The following LRRC37B variants were observed in gnomAD, a reference collection of about 807,000 sequenced individuals.
LRRC37B encodes the protein leucine rich repeat containing 37B, also known as leucine-rich repeat-containing protein 37B.
Under a neutral mutation model 98.3 loss-of-function variants are expected in LRRC37B, and 28 were observed. The observed-to-expected ratio is 0.28, with a 90% CI of 0.21 to 0.39. The LOEUF is 0.39. Ranked by LOEUF, LRRC37B falls within the 10% of genes least tolerant of loss-of-function variation. The pLI, the probability that LRRC37B is intolerant of heterozygous loss-of-function variation, is 1.00. For missense variants in LRRC37B, 938 were observed against 1,182.7 expected, an observed-to-expected ratio of 0.79 and a Z score of 3.03; for synonymous variants, 364 against 442.7, an observed-to-expected ratio of 0.82 and a Z score of 2.23.
intron 9 of LRRC37B, chr17:32,048,828 C>T: frequency 7.5e-7 from 1 of 1,337,528 alleles, no homozygotes; most frequent in Admixed American, 1.7e-5. Flanking sequence ...CAAGAAAACC[C>T]TCTTCTGGAA....
chr17:32,035,800 C>G, intron 7 of LRRC37B, 161 bp downstream of exon 10: 1 of 715,860 alleles, frequency 1.4e-6, no homozygotes, highest in African/African-American at 1.9e-5. Context: ...GTTACATAAC[C>G]ACCACCACAT....
At position 32,022,245 on chromosome 17, in the gene LRRC37B, C is replaced by T; in HGVS notation, c.1180C>T (p.Gln394Ter). 1 of 1,613,958 alleles carries T rather than the reference C, an allele frequency of 6.2e-7. No individual in the cohort carries two copies. The highest frequency in any genetic ancestry group is 8.5e-7 in the Non-Finnish European group (1 of 1,179,872). Residue 394 changes from glutamine to a stop codon, truncating the protein, a stop_gained, in exon 1 of 12, where the codon CAG becomes TAG. Coordinates refer to ENST00000327564, the Ensembl canonical transcript of LRRC37B. LOFTEE classifies it high-confidence loss of function. ...TGAGACAGAATCTACCCAAGCCCAG[C>T]AGGAGGCCCCAATTCAGCCTCCCGA... is the stretch of plus-strand genomic sequence containing the variant.
At chr17:32,037,695 CA>C (rs768493740) in intron 7 of LRRC37B, among the ~76,000 whole-genome samples, 43 of 152,362 alleles carry the variant, frequency 2.8e-4, no homozygotes, top group South Asian at 1.0e-3. Flanking sequence ...TGTTCATGTG[CA>C]AATATCTTCT....
At chr17:32,029,113 T>C (rs1359588286) in intron 3 of LRRC37B, among the ~76,000 whole-genome samples, 1 of 152,088 alleles carries the variant, frequency 6.6e-6, no homozygotes, top group Non-Finnish European at 1.5e-5. Context: ...TCCATTCTCC[T>C]GCCTCAACCT....
chr17:32,046,824 A>G (rs1402162026), intron 8 of LRRC37B, among the ~76,000 whole-genome samples: 1 of 151,748 alleles, frequency 6.6e-6, no homozygotes. Flanking sequence ...GCACCACCCA[A>G]AATACTTTTA....
chr17:32,034,992 T>C lies in LRRC37B; in HGVS notation c.2129+11T>C, dbSNP rs765935152. On this transcript the variant is annotated intron_variant, in intron 6 of 11. Coordinates refer to ENST00000327564, the Ensembl canonical transcript of LRRC37B. Reference sequence around the variant, plus strand: ...GGCATTAAAATATCTGTAAGTACTATAGTACTCTCATGAGTCATGAGATGA... The same window carrying C: ...GGCATTAAAATATCTGTAAGTACTACAGTACTCTCATGAGTCATGAGATGA... 8 of 1,554,034 alleles carry C rather than the reference T, an allele frequency of 5.1e-6. No homozygotes were observed. The highest frequency in any genetic ancestry group is 1.4e-5 in the African/African-American group (1 of 73,434).
At chr17:32,013,816 T>C (rs1462896574) in intron 1 of LRRC37B, among the ~76,000 whole-genome samples, 1 of 152,146 alleles carries the variant, frequency 6.6e-6, no homozygotes, top group African/African-American at 2.4e-5. Context: ...ATACATTGTA[T>C]ATGTATGTAG....
chr17:32,013,362 C>G (rs1567611735), intron 1 of LRRC37B, among the ~76,000 whole-genome samples: 1 of 152,062 alleles, frequency 6.6e-6, no homozygotes, highest in Non-Finnish European at 1.5e-5. Context: ...TAAATGTAAT[C>G]TGACAGCATC....
At chr17:32,009,510 G>A (rs1457571134) in intron 1 of LRRC37B, among the ~76,000 whole-genome samples, 1 of 152,230 alleles carries the variant, frequency 6.6e-6, no homozygotes, top group Non-Finnish European at 1.5e-5. Flanking sequence ...CTGGGCTCAA[G>A]CGATCTGCTG....
chr17:32,018,707 T>C (rs535382086), upstream of LRRC37B, among the ~76,000 whole-genome samples: 1 of 152,206 alleles, frequency 6.6e-6, no homozygotes, highest in African/African-American at 2.4e-5. Context: ...CTGATTGTGC[T>C]ACAGCTTTCA....
At chr17:32,011,627 A>G (rs1176689470) in intron 1 of LRRC37B, among the ~76,000 whole-genome samples, 1 of 151,920 alleles carries the variant, frequency 6.6e-6, no homozygotes, top group Non-Finnish European at 1.5e-5. Context: ...CCTCCCGAGT[A>G]GCTGGGATTA....
At chr17:32,029,269 A>G (rs1463982809) in intron 3 of LRRC37B, among the ~76,000 whole-genome samples, 1 of 152,166 alleles carries the variant, frequency 6.6e-6, no homozygotes, top group Admixed American at 6.5e-5. Context: ...AAGTGCTGGG[A>G]TTACAGGCAT....
intron 1 of LRRC37B, among the ~76,000 whole-genome samples, chr17:32,009,073 C>T (rs1295925373): frequency 2.0e-5 from 3 of 151,946 alleles, no homozygotes; most frequent in African/African-American, 7.3e-5. Flanking sequence ...TTCCGGTTGC[C>T]CTGTATCCTC....
At chr17:32,041,436 A>T (rs1228643790) in intron 7 of LRRC37B, 1 of 722,064 alleles carries the variant, frequency 1.4e-6, no homozygotes, top group African/African-American at 1.7e-5. Flanking sequence ...GATCAACCAG[A>T]TCAACGAGAA....
intron 7 of LRRC37B, among the ~76,000 whole-genome samples, chr17:32,043,435 C>A (rs1280524851): frequency 6.6e-6 from 1 of 152,066 alleles, no homozygotes; most frequent in Non-Finnish European, 1.5e-5. Context: ...GTGGCACGCA[C>A]CTGTAGTTCT....
Position 32,022,960 on chromosome 17 carries a change from C to G in LRRC37B, c.1760+135C>G. 12 of 804,542 alleles carry G rather than the reference C, an allele frequency of 1.5e-5. No individual in the cohort carries two copies. In the South Asian group the frequency reaches 1.6e-4, roughly 11 times the overall value. The allele number at this position is 804,542 out of a possible 1,614,324, so 49.8% of individuals were successfully genotyped here. A position where few individuals can be genotyped will look rare whatever the true frequency, so the allele number is the denominator to read the frequency against. On this transcript the variant is annotated intron_variant, in intron 1 of 11. Transcript: ENST00000327564. ...ACTTTCTGCTTTCACCTTTGCCTGT[C>G]AATTCTCCCTTCTCCTCATTCTCCT...
At chr17:32,048,683 G>A (rs1264822086) in intron 9 of LRRC37B, among the ~76,000 whole-genome samples, 3 of 152,166 alleles carry the variant, frequency 2.0e-5, no homozygotes, top group Admixed American at 2.0e-4. Flanking sequence ...AACACCGAAG[G>A]CCAAAAAGAT....
intron 10 of LRRC37B, 57 bp from the exon 14 acceptor site, chr17:32,049,946 T>G: frequency 9.2e-7 from 1 of 1,091,122 alleles, no homozygotes; most frequent in South Asian, 1.5e-5. Context: ...GCTTCCATTC[T>G]CTCTCTCTTT....
chr17:32,041,052 C>T (rs762105566), intron 7 of LRRC37B: 2 of 769,324 alleles, frequency 2.6e-6, no homozygotes, highest in Admixed American at 3.5e-5. Flanking sequence ...CAACATTGAG[C>T]AGGTGAGTCA....
Sources: allele counts gnomAD v4.1 joint callset (sites outside exome capture counted in the v4.1 genomes callset), GRCh38; gene constraint gnomAD v4.1.1; transcripts MANE v1.5; gene names NCBI Gene and HGNC (gene_info 2026-07-23, HGNC 2026-07-21).